The following KIAA0408 variants were observed in gnomAD, a reference collection of about 807,000 sequenced individuals.
The protein encoded by KIAA0408 is uncharacterized protein KIAA0408.
In KIAA0408, 51 loss-of-function variants were observed where a neutral mutation model predicts 60.9. The ratio of observed to expected loss-of-function variants is 0.84; its 90% confidence interval spans 0.67 to 1.06. KIAA0408 has a LOEUF of 1.06. KIAA0408 is among the 50% of genes least tolerant of loss of function. The probability of loss-of-function intolerance (pLI) is 0.00; values close to 1 mark genes in which losing one functional copy is unlikely to be tolerated. For missense variants in KIAA0408, 787 were observed against 833.9 expected, an observed-to-expected ratio of 0.94 and a Z score of 0.69; for synonymous variants, 304 against 282.4, an observed-to-expected ratio of 1.08 and a Z score of -0.77.
intron 2 of KIAA0408, among the ~76,000 whole-genome samples, chr6:127,452,389 G>T (rs994760565): frequency 9.2e-5 from 14 of 152,004 alleles, no homozygotes; most frequent in African/African-American, 3.4e-4. Flanking sequence ...TACTCTCCAA[G>T]ATAAAAAAAT....
intron 5 of KIAA0408, 109 bp downstream of exon 5, chr6:127,446,299 G>C: frequency 6.6e-7 from 1 of 1,504,132 alleles, no homozygotes. Flanking sequence ...GCTAAGAAGA[G>C]TCCAAAACTT....
rs1773150550 is a variant in KIAA0408, at chr6:127,444,222, T to G, written c.1972A>C (p.Asn658His). Residue 658 changes from asparagine to histidine, a missense_variant, in exon 6 of 6, where the codon AAT becomes CAT. Coordinates refer to ENST00000483725, the MANE Select transcript of KIAA0408 (RefSeq NM_014702.5). ...GCCCATCTGGAGGGGAGACGACGAT[T>G]TGCTGGTCTAGCAGGTCGGGAAAAT... ...KGFSRPARPANRRLPSRWASR... is the reference protein window; with the variant it reads ...KGFSRPARPAHRRLPSRWASR... 14 of 1,613,214 alleles carry G rather than the reference T, an allele frequency of 8.7e-6. No homozygotes were observed. Among genetic ancestry groups the G allele is most frequent in the Non-Finnish European group, 1.2e-5 (14 of 1,179,770 alleles).
At chr6:127,449,209 T>A (rs1475327052) in intron 4 of KIAA0408, among the ~76,000 whole-genome samples, 1 of 152,224 alleles carries the variant, frequency 6.6e-6, no homozygotes, top group African/African-American at 2.4e-5. Context: ...ATGCTCAGAA[T>A]GAGAAAGAAC....
chr6:127,450,138 T>G lies in KIAA0408; in HGVS notation c.350A>C (p.Gln117Pro). 1 of 1,614,122 alleles carries G rather than the reference T, an allele frequency of 6.2e-7. No homozygotes were observed. The part of the protein sequence containing the change: ...REQSLVSGGN[Q>P]MCKEQKATKK... The stretch of plus-strand genomic sequence containing the variant: ...TGTTGCTTTTTGTTCCTTACACATT[T>G]GATTTCCTCCACTGACTAAGCTCTG... Residue 117 changes from glutamine (Q) to proline (P), a missense_variant, in exon 3 of 6, where the codon CAA becomes CCA. By Grantham distance (76) the Gln-to-Pro change is moderately conservative. Transcript: ENST00000483725.
chr6:127,459,013 C>T (rs564026004), intron 1 of KIAA0408, among the ~76,000 whole-genome samples, 162 bp downstream of exon 1: 6 of 152,130 alleles, frequency 3.9e-5, no homozygotes, highest in South Asian at 2.1e-4. Context: ...TTATGCACCC[C>T]GCCCACTGTT....
Position 127,440,979 on chromosome 6 carries a change from A to G in KIAA0408, c.*3130T>C, listed in dbSNP as rs1345010339. The G allele has an allele frequency of 6.6e-6, 1 of 152,200 alleles. No individual in the cohort carries two copies. Among genetic ancestry groups the G allele is most frequent in the Admixed American group, 6.5e-5 (1 of 15,276 alleles). The allele number at this position is 152,200 out of a possible 1,614,324, so 9.4% of individuals were successfully genotyped here. A position where few individuals can be genotyped will look rare whatever the true frequency, so the allele number is the denominator to read the frequency against. On this transcript the variant is annotated 3_prime_UTR_variant, in exon 6 of 6. Coordinates refer to ENST00000483725, the MANE Select transcript of KIAA0408 (RefSeq NM_014702.5). ...TAGATTTCATAAGACACTTAGCTTT[A>G]CTGGAGTTCACTGCAGAAAATGAGG...
In KIAA0408 at chr6:127,447,758, A is replaced by G. The variant is rs1374581686; in HGVS notation, c.579-18T>C. On this transcript the variant is annotated intron_variant, in intron 4 of 5. Transcript: ENST00000483725. Reference sequence around the variant, plus strand: ...ACTTCATCCTAAACAATGATAAAACATGGTGTATTGGTTATAACTTTATTT... The same window carrying G: ...ACTTCATCCTAAACAATGATAAAACGTGGTGTATTGGTTATAACTTTATTT... 2.6e-6 allele frequency: 4 copies of G among 1,523,966 alleles called. No homozygotes were observed. The highest frequency in any genetic ancestry group is 1.4e-5 in the South Asian group (1 of 73,492). 94.4% of individuals were successfully genotyped at this position (1,523,966 alleles called of 1,614,324 possible).
intron 1 of KIAA0408, among the ~76,000 whole-genome samples, chr6:127,457,587 A>T (rs1483896836): frequency 6.6e-6 from 1 of 152,234 alleles, no homozygotes; most frequent in Non-Finnish European, 1.5e-5. Flanking sequence ...CCAGCATTGC[A>T]TAATCCCTTT....
intron 1 of KIAA0408, among the ~76,000 whole-genome samples, chr6:127,455,148 T>G (rs1462289222): frequency 6.6e-6 from 1 of 152,180 alleles, no homozygotes; most frequent in Non-Finnish European, 1.5e-5. Flanking sequence ...AAATAAGTCA[T>G]GTGCCTTTTT....
rs774330730 is a variant in KIAA0408, at chr6:127,450,164, C to T, written c.324G>A (p.Glu108=). 1 of 1,614,002 alleles carries T rather than the reference C, an allele frequency of 6.2e-7. No homozygotes were observed. Among genetic ancestry groups the T allele is most frequent in the Non-Finnish European group, 8.5e-7 (1 of 1,179,950 alleles). Residue 108 remains glutamate (E), a synonymous_variant, in exon 3 of 6, where the codon GAG becomes GAA. Transcript: ENST00000483725. ...GATTTCCTCCACTGACTAAGCTCTG[C>T]TCTCTTTTATTTTCTTTTCTCAGAC... ...KDGLRKENKR[E]QSLVSGGNQM...
chr6:127,457,700 C>T (rs11154410), intron 1 of KIAA0408, among the ~76,000 whole-genome samples: 46,584 of 152,082 alleles, frequency 0.31, 7,868 homozygotes, highest in Middle Eastern at 0.39. Flanking sequence ...GCTAGCCTTC[C>T]GGCCCTACCA....
rs769550181 is a variant in KIAA0408, at chr6:127,447,663, T to C, written c.656A>G (p.Asp219Gly). ...TAAACTGATTGGAAGAATGCACTGG[T>C]CATTGTTGATCATGGGGTCCCCATG... is the stretch of plus-strand genomic sequence containing the variant. ...IPHGDPMINN[D>G]QCILPISLEK... The change falls in exon 5 of 6, where the codon GAC (aspartate) becomes GGC (glycine). Residue 219 changes from aspartate to glycine, a missense_variant. By Grantham distance (94) the Asp-to-Gly change is moderately conservative. Transcript: ENST00000483725. 68 of 1,600,532 alleles carry C rather than the reference T, an allele frequency of 4.2e-5. No homozygotes were observed. The Middle Eastern group carries it at 1.2e-3, about 28-fold the overall frequency.
Position 127,446,833 on chromosome 6 carries a change from T to A in KIAA0408, c.1486A>T (p.Lys496Ter), listed in dbSNP as rs1773206466. The change falls in exon 5 of 6, where the codon AAA becomes TAA. Residue 496 changes from lysine to a stop codon, truncating the protein, a stop_gained. Coordinates refer to ENST00000483725, the MANE Select transcript of KIAA0408 (RefSeq NM_014702.5). LOFTEE classifies it high-confidence loss of function. Reference protein sequence around the residue: ...SQSNDVSGIWKTNAHMPVPME... With the variant: ...SQSNDVSGIW ...GGCACAGGCATGTGGGCATTGGTTTTCCAAATACCGGACACATCGTTACTT... is the reference window on the plus strand; with the variant it reads ...GGCACAGGCATGTGGGCATTGGTTTACCAAATACCGGACACATCGTTACTT... 8.1e-6 allele frequency: 13 copies of A among 1,614,040 alleles called. No homozygotes were observed. The highest frequency in any genetic ancestry group is 1.1e-5 in the Non-Finnish European group (13 of 1,179,956).
At chr6:127,447,803 A>G (rs1268759596) in intron 4 of KIAA0408, 63 bp from the exon 5 acceptor site, 5 of 1,458,718 alleles carry the variant, frequency 3.4e-6, no homozygotes, top group Non-Finnish European at 4.5e-6. Flanking sequence ...TCTCAAAAGC[A>G]AACATAGCTA....
rs555736139 is a variant in KIAA0408, at chr6:127,457,244, G to A, written c.-121+1931C>T. Among the ~76,000 whole-genome samples the A allele has an allele frequency of 2.2e-3, 331 of 152,180 alleles. 1 individual carries two copies. Among genetic ancestry groups the A allele is most frequent in the Non-Finnish European group, 4.0e-3 (269 of 68,004 alleles). ...TATTACAAAAAATATCAAACTGAAG[G>A]GGCAACTTTGTAGAGATAGAATGTT... On this transcript the variant is annotated intron_variant, in intron 1 of 5. Transcript: ENST00000483725.
Position 127,444,009 on chromosome 6 carries a change from T to C in KIAA0408, c.*100A>G. On this transcript the variant is annotated 3_prime_UTR_variant, in exon 6 of 6. Transcript: ENST00000483725. The stretch of plus-strand genomic sequence containing the variant: ...ACTGATGGAAAGTTAAGATTCAAAT[T>C]GCTTGTCGGAAGAGAACAGGTCCGC... 1 of 1,005,270 alleles carries C rather than the reference T, an allele frequency of 9.9e-7. No homozygotes were observed. The highest frequency in any genetic ancestry group is 1.5e-6 in the Non-Finnish European group (1 of 675,652). The allele number at this position is 1,005,270 out of a possible 1,614,324, so 62.3% of individuals were successfully genotyped here. A position where few individuals can be genotyped will look rare whatever the true frequency, so the allele number is the denominator to read the frequency against.
chr6:127,447,413 C>T lies in KIAA0408; in HGVS notation c.906G>A (p.Glu302=). Residue 302 remains glutamate (E), a synonymous_variant, in exon 5 of 6, where the codon GAG becomes GAA. Coordinates refer to ENST00000483725, the MANE Select transcript of KIAA0408 (RefSeq NM_014702.5). ...RLDHNSWVPH[E]GRSKRNYNPH... is the part of the protein sequence containing the mutation. ...GGTTGTAATTCCTTTTACTTCGACC[C>T]TCATGGGGCACCCAGCTGTTGTGGT... 1 of 1,613,734 alleles carries T rather than the reference C, an allele frequency of 6.2e-7. No individual in the cohort carries two copies. The highest frequency in any genetic ancestry group is 8.5e-7 in the Non-Finnish European group (1 of 1,179,862).
intron 1 of KIAA0408, among the ~76,000 whole-genome samples, chr6:127,457,009 GA>G (rs892674999): frequency 8.7e-5 from 13 of 149,860 alleles, no homozygotes; most frequent in Non-Finnish European, 1.6e-4. Context: ...TTGTTCTCTG[GA>G]AAAAAAACAG....
Position 127,450,273 on chromosome 6 carries a change from G to C in KIAA0408, c.215C>G (p.Thr72Ser), listed in dbSNP as rs1773279528. 1 of 1,613,540 alleles carries C rather than the reference G, an allele frequency of 6.2e-7. No homozygotes were observed. Residue 72 changes from threonine (T) to serine (S), a missense_variant, in exon 3 of 6, where the codon ACC becomes AGC. This residue lies in a region of KIAA0408 where 640 missense variants were observed against 681.3 expected (regional missense o/e 0.94). Coordinates refer to ENST00000483725, the MANE Select transcript of KIAA0408 (RefSeq NM_014702.5). The part of the protein sequence containing the change: ...AKIIDLYHEK[T>S]IPEKVIESSP... ...AGATTCTATCACTTTCTCTGGAATG[G>C]TCTTCTCATGGTAAAGATCAATGAT...
Sources: allele counts gnomAD v4.1 joint callset (sites outside exome capture counted in the v4.1 genomes callset), GRCh38; gene constraint gnomAD v4.1.1; regional missense constraint gnomAD v4.1.1; transcripts MANE v1.5; gene names NCBI Gene and HGNC (gene_info 2026-07-23, HGNC 2026-07-21).